The following CABLES1 variants were observed in gnomAD, a reference collection of about 807,000 sequenced individuals.
The protein encoded by CABLES1 is CDK5 and ABL1 enzyme substrate 1.
Under a neutral mutation model 57.8 loss-of-function variants are expected in CABLES1, and 36 were observed. The observed-to-expected ratio is 0.62, with a 90% CI of 0.48 to 0.82. The LOEUF is 0.82. Ranked by LOEUF, CABLES1 falls within the 40% of genes least tolerant of loss-of-function variation. The pLI, the probability that CABLES1 is intolerant of heterozygous loss-of-function variation, is 0.00. For synonymous variants in CABLES1, 374 were observed against 363.0 expected, an observed-to-expected ratio of 1.03 and a Z score of -0.35; for missense variants, 767 against 836.6, an observed-to-expected ratio of 0.92 and a Z score of 1.03.
intron 7 of CABLES1, among the ~76,000 whole-genome samples, chr18:23,245,550 G>A (rs575318658): frequency 3.3e-5 from 5 of 150,836 alleles, no homozygotes; most frequent in South Asian, 2.1e-4. Flanking sequence ...TTCTGCAGTC[G>A]ATATGGGAGA....
chr18:23,152,554 G>A (rs1398733552), intron 1 of CABLES1, among the ~76,000 whole-genome samples: 2 of 145,818 alleles, frequency 1.4e-5, no homozygotes, highest in African/African-American at 2.6e-5. Context: ...GCAAGATCTC[G>A]GCTCACTGCA....
chr18:23,155,459 G>T (rs1376232019), intron 1 of CABLES1, among the ~76,000 whole-genome samples: 1 of 152,196 alleles, frequency 6.6e-6, no homozygotes, highest in African/African-American at 2.4e-5. Context: ...CTAGCAAACA[G>T]AACTTTTGTA....
At chr18:23,226,217 C>T (rs1424227868) in intron 4 of CABLES1, among the ~76,000 whole-genome samples, 3 of 152,174 alleles carry the variant, frequency 2.0e-5, no homozygotes, top group African/African-American at 7.2e-5. Flanking sequence ...GCCTGGCCAA[C>T]ATAGTGACAC....
At chr18:23,216,993 A>C (rs563821105) in intron 4 of CABLES1, among the ~76,000 whole-genome samples, 1 of 152,284 alleles carries the variant, frequency 6.6e-6, no homozygotes, top group Admixed American at 6.5e-5. Flanking sequence ...TTTACATCCT[A>C]GGTGTGAACA....
chr18:23,237,269 C>G (rs1245912945), intron 7 of CABLES1, 24 bp downstream of exon 7: 1 of 1,483,742 alleles, frequency 6.7e-7, no homozygotes, highest in African/African-American at 1.4e-5. Flanking sequence ...AATGGAGGCT[C>G]CGTTTGCTGC....
At chr18:23,233,520 T>C (rs2047581216) in intron 4 of CABLES1, among the ~76,000 whole-genome samples, 1 of 152,198 alleles carries the variant, frequency 6.6e-6, no homozygotes, top group African/African-American at 2.4e-5. Flanking sequence ...AAAGAAATGA[T>C]GTGTGAGTCT....
At chr18:23,150,209 T>TTG (rs1330093599) in intron 1 of CABLES1, among the ~76,000 whole-genome samples, 17 of 140,710 alleles carry the variant, frequency 1.2e-4, no homozygotes, top group Middle Eastern at 3.6e-3. Context: ...TGGTGTTTGT[T>TTG]TTTTTTTTTT....
At chr18:23,176,934 C>A (rs1028429095) in intron 1 of CABLES1, among the ~76,000 whole-genome samples, 2 of 152,038 alleles carry the variant, frequency 1.3e-5, no homozygotes, top group Non-Finnish European at 2.9e-5. Flanking sequence ...CCGGTAAACA[C>A]CAGCTTGGAT....
intron 3 of CABLES1, among the ~76,000 whole-genome samples, chr18:23,207,631 C>T (rs1197134987): frequency 6.6e-6 from 1 of 152,186 alleles, no homozygotes; most frequent in African/African-American, 2.4e-5. Flanking sequence ...GGCCATTCAT[C>T]ATCAGATCCC....
chr18:23,226,170 G>A (rs375371837), intron 4 of CABLES1, among the ~76,000 whole-genome samples: 49 of 152,354 alleles, frequency 3.2e-4, no homozygotes, highest in African/African-American at 1.1e-3. Context: ...TTGGGAGACC[G>A]AGGTGGGCGG....
At chr18:23,237,121 C>G in intron 6 of CABLES1, 21 bp from the exon 7 acceptor site, 4 of 1,437,766 alleles carry the variant, frequency 2.8e-6, no homozygotes, top group Non-Finnish European at 3.9e-6. Context: ...TATCATTTTG[C>G]ATTTTGCATG....
chr18:23,135,422 G>A (rs1598790891), upstream of CABLES1: 1 of 152,190 alleles, frequency 6.6e-6, no homozygotes, highest in South Asian at 2.1e-4. Flanking sequence ...TTGCAAAGAG[G>A]GCTTTGGAGC....
intron 1 of CABLES1, among the ~76,000 whole-genome samples, chr18:23,179,408 C>G (rs959438010): frequency 6.6e-6 from 1 of 152,230 alleles, no homozygotes; most frequent in Non-Finnish European, 1.5e-5. Flanking sequence ...ACTCCCCCAC[C>G]CCAGGGATTT....
intron 1 of CABLES1, among the ~76,000 whole-genome samples, chr18:23,173,247 C>T (rs1352949142): frequency 6.6e-6 from 1 of 152,200 alleles, no homozygotes; most frequent in Non-Finnish European, 1.5e-5. Context: ...AGGGTTTGCC[C>T]AGGTCTCTGC....
intron 4 of CABLES1, among the ~76,000 whole-genome samples, chr18:23,227,255 A>C: frequency 6.6e-6 from 1 of 151,726 alleles, no homozygotes. Context: ...CTTCCTCCCC[A>C]CCCACTTTCC....
chr18:23,178,907 C>T (rs1209061613), intron 1 of CABLES1, among the ~76,000 whole-genome samples: 3 of 152,340 alleles, frequency 2.0e-5, no homozygotes, highest in Non-Finnish European at 4.4e-5. Flanking sequence ...TTTGAACAAG[C>T]TGATTGGCAA....
intron 8 of CABLES1, among the ~76,000 whole-genome samples, chr18:23,253,517 C>T (rs58952153): frequency 0.036 from 5,545 of 152,172 alleles, 218 homozygotes; most frequent in East Asian, 0.17. Flanking sequence ...ATGTTTTATA[C>T]GACCTGACCA....
chr18:23,186,601 T>C (rs1257008497), intron 1 of CABLES1, among the ~76,000 whole-genome samples: 1 of 152,062 alleles, frequency 6.6e-6, no homozygotes, highest in Non-Finnish European at 1.5e-5. Flanking sequence ...AATTTTGTAT[T>C]TTCAGTAGAG....
intron 7 of CABLES1, among the ~76,000 whole-genome samples, chr18:23,250,946 T>G (rs1294226726): frequency 6.6e-6 from 1 of 152,198 alleles, no homozygotes; most frequent in East Asian, 1.9e-4. Context: ...GCTGCTTGCC[T>G]CCTCCTTGCT....
Sources: gnomAD v4.1 joint callset for allele counts (sites outside exome capture counted in the v4.1 genomes callset) on GRCh38, gnomAD v4.1.1 for gene constraint, MANE v1.5 for transcripts, NCBI Gene and HGNC (gene_info 2026-07-23, HGNC 2026-07-21) for gene names.